SRD5A2: variants seen among roughly 807,000 people sequenced by gnomAD.
SRD5A2 encodes steroid 5 alpha-reductase 2.
In SRD5A2, 30 loss-of-function variants were observed where a neutral mutation model predicts 27.4. The observed-to-expected ratio is 1.10, with a 90% CI of 0.82 to 1.49. The LOEUF is 1.49. Ranked by LOEUF, SRD5A2 falls within the 40% of genes most tolerant of loss-of-function variation. SRD5A2 has a pLI of 0.00. For missense variants in SRD5A2, 348 were observed against 323.4 expected, an observed-to-expected ratio of 1.08 and a Z score of -0.58; for synonymous variants, 141 against 133.6, an observed-to-expected ratio of 1.06 and a Z score of -0.38.
chr2:31,648,468 A>T, the SRD5A2 span, among the ~76,000 whole-genome samples: 2 of 152,196 alleles, frequency 1.3e-5, no homozygotes, highest in Non-Finnish European at 2.9e-5. Context: ...GCAGTGTTGA[A>T]GCTTGAGCTA....
intron 1 of SRD5A2, among the ~76,000 whole-genome samples, chr2:31,552,441 G>A (rs1416102384): frequency 1.3e-5 from 2 of 151,842 alleles, no homozygotes; most frequent in Admixed American, 6.6e-5. Context: ...TGCCCCACAT[G>A]GAACATTGAC....
At chr2:31,575,898 G>C (rs899833105) in intron 1 of SRD5A2, among the ~76,000 whole-genome samples, 1 of 152,202 alleles carries the variant, frequency 6.6e-6, no homozygotes, top group Admixed American at 6.5e-5. Flanking sequence ...ACTGACCACT[G>C]TATGGAACAC....
chr2:31,631,380 G>T, the SRD5A2 span, among the ~76,000 whole-genome samples: 1 of 152,092 alleles, frequency 6.6e-6, no homozygotes, highest in Non-Finnish European at 1.5e-5. Flanking sequence ...ACGCACCCTG[G>T]AAAAGAATAA....
At position 31,567,949 on chromosome 2, in the gene SRD5A2, G is replaced by T. The variant is rs755635889; in HGVS notation, c.281+12671C>A. On this transcript the variant is annotated intron_variant, in intron 1 of 4. Coordinates refer to ENST00000622030, the MANE Select transcript of SRD5A2 (RefSeq NM_000348.4). ...GCACAGAATGATGAGGGGTGTGTGT[G>T]TGAGTGAGCGCAGGGTCCAGCCACT... Among the ~76,000 whole-genome samples, 65 of 152,148 alleles carry T rather than the reference G, an allele frequency of 4.3e-4. 1 individual carries two copies. Among genetic ancestry groups the T allele is most frequent in the Non-Finnish European group, 2.4e-4 (16 of 68,036 alleles).
the SRD5A2 span, among the ~76,000 whole-genome samples, chr2:31,658,628 G>T: frequency 6.6e-6 from 1 of 151,346 alleles, no homozygotes; most frequent in Non-Finnish European, 1.5e-5. Flanking sequence ...AGAAGAAATG[G>T]ATAAATTCCT....
chr2:31,616,154 A>T, the SRD5A2 span, among the ~76,000 whole-genome samples: 4 of 152,090 alleles, frequency 2.6e-5, no homozygotes, highest in Non-Finnish European at 5.9e-5. Flanking sequence ...ATCTCAGAGG[A>T]TGTAGGGAAA....
At position 31,568,426 on chromosome 2, in the gene SRD5A2, G is replaced by A. The variant is rs140159519; in HGVS notation, c.281+12194C>T. The stretch of plus-strand genomic sequence containing the variant: ...TTCAGTGAGTGACAGAGAGGCTCTC[G>A]GGAGACCCAAAGTGGGCAGTTCCTT... On this transcript the variant is annotated intron_variant, in intron 1 of 4. Transcript: ENST00000622030. Among the ~76,000 whole-genome samples, 12 of 152,262 alleles carry A rather than the reference G, an allele frequency of 7.9e-5. No homozygotes were observed. The South Asian group carries it at 1.2e-3, about 16-fold the overall frequency.
At chr2:31,646,933 G>C in the SRD5A2 span, among the ~76,000 whole-genome samples, 1 of 152,134 alleles carries the variant, frequency 6.6e-6, no homozygotes, top group Non-Finnish European at 1.5e-5. Context: ...GATCACTCAA[G>C]GTCAGGAGTT....
intron 1 of SRD5A2, among the ~76,000 whole-genome samples, chr2:31,558,651 T>G (rs561774538): frequency 2.0e-5 from 3 of 152,362 alleles, no homozygotes; most frequent in Non-Finnish European, 4.4e-5. Flanking sequence ...TGACCTCATC[T>G]TAACTACAGT....
At chr2:31,631,649 A>ACCTTAAT in the SRD5A2 span, among the ~76,000 whole-genome samples, 126 of 152,320 alleles carry the variant, frequency 8.3e-4, 1 homozygote, top group South Asian at 0.024. Context: ...GGGTTAAGAC[A>ACCTTAAT]GTCCTTTGAT....
At chr2:31,601,728 T>G in the SRD5A2 span, among the ~76,000 whole-genome samples, 2 of 152,200 alleles carry the variant, frequency 1.3e-5, no homozygotes, top group Admixed American at 1.3e-4. Context: ...CAAGTAGGCT[T>G]CATCCCCAGT....
chr2:31,554,759 C>G (rs908732563), intron 1 of SRD5A2, among the ~76,000 whole-genome samples: 5 of 152,132 alleles, frequency 3.3e-5, no homozygotes, highest in Non-Finnish European at 7.4e-5. Context: ...TTTAAACATT[C>G]CTTCCATTAC....
intron 1 of SRD5A2, among the ~76,000 whole-genome samples, chr2:31,557,764 A>G (rs1666529397): frequency 6.6e-6 from 1 of 152,220 alleles, no homozygotes; most frequent in Non-Finnish European, 1.5e-5. Flanking sequence ...CAATTGCCCT[A>G]GAGCAAACTC....
At chr2:31,542,381 A>C (rs950871241) in intron 1 of SRD5A2, among the ~76,000 whole-genome samples, 4 of 152,144 alleles carry the variant, frequency 2.6e-5, no homozygotes, top group African/African-American at 7.2e-5. Flanking sequence ...CATGGATGGC[A>C]CACACCTGTA....
the SRD5A2 span, among the ~76,000 whole-genome samples, chr2:31,649,270 A>G: frequency 6.6e-6 from 1 of 152,142 alleles, no homozygotes; most frequent in East Asian, 1.9e-4. Context: ...AGAGAGAAAA[A>G]GTGACAAGCA....
At chr2:31,632,292 G>A in the SRD5A2 span, among the ~76,000 whole-genome samples, 4 of 152,148 alleles carry the variant, frequency 2.6e-5, no homozygotes, top group African/African-American at 9.7e-5. Flanking sequence ...TGGTGGCTCT[G>A]GAACACGGAA....
chr2:31,597,758 C>G, the SRD5A2 span, among the ~76,000 whole-genome samples: 1 of 152,042 alleles, frequency 6.6e-6, no homozygotes, highest in Admixed American at 6.6e-5. Flanking sequence ...TGCAATACCA[C>G]CTTACTCCAG....
chr2:31,555,017 C>G (rs572727126), intron 1 of SRD5A2, among the ~76,000 whole-genome samples: 2 of 150,238 alleles, frequency 1.3e-5, no homozygotes, highest in African/African-American at 2.5e-5. Context: ...TTAAAGCTTA[C>G]AGACATAAGG....
chr2:31,576,065 C>G (rs1451072676), intron 1 of SRD5A2, among the ~76,000 whole-genome samples: 1 of 151,126 alleles, frequency 6.6e-6, no homozygotes, highest in Non-Finnish European at 1.5e-5. Flanking sequence ...CTAGGCATTA[C>G]CATTCAGGAC....
Sources: allele counts gnomAD v4.1 joint callset (sites outside exome capture counted in the v4.1 genomes callset), GRCh38; gene constraint gnomAD v4.1.1; transcripts MANE v1.5; gene names NCBI Gene and HGNC (gene_info 2026-07-23, HGNC 2026-07-21).